Variants in TIMP3 observed in about 807,000 individuals in gnomAD.
TIMP3 encodes the protein metalloproteinase inhibitor 3.
A neutral mutation model predicts 30.0 loss-of-function variants in TIMP3; 11 were observed. The observed-to-expected ratio is 0.37, with a 90% CI of 0.23 to 0.61. The LOEUF (loss-of-function observed/expected upper bound fraction) is 0.61, where lower values mean the gene tolerates loss of function less well. Among genes scored for constraint, TIMP3 ranks in the 20% least tolerant of loss-of-function variants. TIMP3 has a pLI of 0.70. For synonymous variants in TIMP3, 112 were observed against 111.3 expected (o/e 1.01, Z -0.04); for missense variants, 181 against 276.8 (o/e 0.65, Z 2.45).
intron 1 of TIMP3, among the ~76,000 whole-genome samples, chr22:32,831,969 G>A (rs749745857): frequency 1.3e-5 from 2 of 152,210 alleles, no homozygotes; most frequent in Admixed American, 6.5e-5. Flanking sequence ...CAGGGCAGGC[G>A]TGGCAGGCTG....
At chr22:32,830,818 A>G (rs921011540) in intron 1 of TIMP3, among the ~76,000 whole-genome samples, 2 of 152,108 alleles carry the variant, frequency 1.3e-5, no homozygotes, top group African/African-American at 4.8e-5. Flanking sequence ...CTCCCAGTGG[A>G]TTCCGCAAGG....
intron 1 of TIMP3, among the ~76,000 whole-genome samples, chr22:32,820,137 C>T (rs1341945188): frequency 6.6e-6 from 1 of 152,072 alleles, no homozygotes; most frequent in Non-Finnish European, 1.5e-5. Context: ...TCAGCCCTCT[C>T]ATCCTATTCA....
At chr22:32,828,086 T>G (rs569245213) in intron 1 of TIMP3, among the ~76,000 whole-genome samples, 3 of 152,356 alleles carry the variant, frequency 2.0e-5, no homozygotes, top group South Asian at 4.1e-4. Flanking sequence ...AGTAGAGACC[T>G]TGTTGGTCTT....
At chr22:32,858,504 G>A (rs1255032234) in intron 4 of TIMP3, among the ~76,000 whole-genome samples, 1 of 152,126 alleles carries the variant, frequency 6.6e-6, no homozygotes, top group East Asian at 1.9e-4. Flanking sequence ...CACCCTGGTA[G>A]CTGACTCATC....
intron 2 of TIMP3, among the ~76,000 whole-genome samples, chr22:32,855,511 A>T (rs138013843): frequency 7.6e-4 from 116 of 152,216 alleles, no homozygotes; most frequent in Non-Finnish European, 1.5e-3. Flanking sequence ...GCCATTTCCC[A>T]ACTGTGTGGC....
intron 1 of TIMP3, among the ~76,000 whole-genome samples, chr22:32,845,667 G>A (rs2048039966): frequency 6.6e-6 from 1 of 152,124 alleles, no homozygotes; most frequent in Non-Finnish European, 1.5e-5. Context: ...CAGTGTAGGG[G>A]CCATACTCCA....
chr22:32,841,385 G>A (rs992030199), intron 1 of TIMP3, among the ~76,000 whole-genome samples: 2 of 152,160 alleles, frequency 1.3e-5, no homozygotes, highest in Admixed American at 6.5e-5. Flanking sequence ...ATCAGGGAAG[G>A]TCCCCCGCCC....
At chr22:32,836,099 A>T (rs1049791512) in intron 1 of TIMP3, among the ~76,000 whole-genome samples, 2 of 152,234 alleles carry the variant, frequency 1.3e-5, no homozygotes, top group African/African-American at 4.8e-5. Context: ...GTGACTTCTG[A>T]CAAGTTTCTT....
intron 1 of TIMP3, among the ~76,000 whole-genome samples, chr22:32,819,889 G>T (rs535494092): frequency 1.3e-5 from 2 of 152,300 alleles, no homozygotes; most frequent in African/African-American, 4.8e-5. Flanking sequence ...CTGACTTCCT[G>T]TTCTGCGCAT....
chr22:32,805,694 C>T (rs2046714916), intron 1 of TIMP3, among the ~76,000 whole-genome samples: 1 of 147,550 alleles, frequency 6.8e-6, no homozygotes, highest in South Asian at 2.2e-4. Flanking sequence ...AACACTGAGG[C>T]TGAAGAGACT....
intron 1 of TIMP3, among the ~76,000 whole-genome samples, chr22:32,841,480 G>A (rs1184811616): frequency 6.6e-6 from 1 of 152,174 alleles, no homozygotes; most frequent in Non-Finnish European, 1.5e-5. Context: ...GTGCAGTAGA[G>A]TGAGCTACAA....
intron 1 of TIMP3, among the ~76,000 whole-genome samples, chr22:32,831,339 G>C (rs1048681047): frequency 6.6e-6 from 1 of 152,200 alleles, no homozygotes; most frequent in African/African-American, 2.4e-5. Context: ...CAGAGAAGAG[G>C]TGAATTGTTT....
At chr22:32,807,616 G>C (rs12484696) in intron 1 of TIMP3, among the ~76,000 whole-genome samples, 15,657 of 149,432 alleles carry the variant, frequency 0.1, 905 homozygotes, top group Admixed American at 0.16. Flanking sequence ...AGGAAACTGA[G>C]GCTTAGAAAA....
chr22:32,859,283 A>T lies in TIMP3; in HGVS notation c.542A>T (p.His181Leu). 6.2e-7 allele frequency: 1 copy of T among 1,614,164 alleles called. No individual in the cohort carries two copies. Among genetic ancestry groups the T allele is most frequent in the Non-Finnish European group, 8.5e-7 (1 of 1,180,032 alleles). ...GGTTACCCTGGCTACCAGTCCAAAC[A>T]CTACGCCTGCATCCGGCAGAAGGGC... is the stretch of plus-strand genomic sequence containing the variant. ...NFGYPGYQSKHYACIRQKGGY... is the reference protein window; with the variant it reads ...NFGYPGYQSKLYACIRQKGGY... Residue 181 changes from histidine to leucine, a missense_variant, in exon 5 of 5, where the codon CAC (histidine) becomes CTC (leucine). Coordinates refer to ENST00000266085, the MANE Select transcript of TIMP3 (RefSeq NM_000362.5).
intron 1 of TIMP3, among the ~76,000 whole-genome samples, chr22:32,812,334 G>T (rs1208522104): frequency 6.6e-6 from 1 of 152,144 alleles, no homozygotes; most frequent in East Asian, 1.9e-4. Context: ...GTGGATGCGG[G>T]CTCTGAACAA....
rs1181797424 is a variant in TIMP3, at chr22:32,837,471, C to A, written c.122-11981C>A. On this transcript the variant is annotated intron_variant, in intron 1 of 4. Coordinates refer to ENST00000266085, the MANE Select transcript of TIMP3 (RefSeq NM_000362.5). The surrounding 1 kb of genome is among the most constrained non-coding windows in gnomAD (Gnocchi z 4.1). The stretch of plus-strand genomic sequence containing the variant: ...CTCAGAGCACAGCACAGATGCCCAG[C>A]CAAAACACCCAGGGCGAAACCACTC... Among the ~76,000 whole-genome samples, 1 of 152,060 alleles carries A rather than the reference C, an allele frequency of 6.6e-6. No individual in the cohort carries two copies. The highest frequency in any genetic ancestry group is 1.5e-5 in the Non-Finnish European group (1 of 68,006).
chr22:32,802,235 C>A (rs2046608579), intron 1 of TIMP3, 113 bp downstream of exon 1: 1 of 1,430,766 alleles, frequency 7.0e-7, no homozygotes, highest in South Asian at 1.3e-5. Context: ...GAGGGGCAGA[C>A]GGGGTTGGGG....
At chr22:32,835,729 G>A (rs189777666) in intron 1 of TIMP3, among the ~76,000 whole-genome samples, 11 of 152,240 alleles carry the variant, frequency 7.2e-5, no homozygotes, top group African/African-American at 2.4e-4. Flanking sequence ...CAAACCAGGG[G>A]GCTTCAGGTC....
At chr22:32,809,645 A>G (rs2046859126) in intron 1 of TIMP3, among the ~76,000 whole-genome samples, 1 of 152,256 alleles carries the variant, frequency 6.6e-6, no homozygotes, top group Non-Finnish European at 1.5e-5. Flanking sequence ...AAATTAAAAT[A>G]TAACTAGAAC....
Sources: gnomAD v4.1 joint callset for allele counts (sites outside exome capture counted in the v4.1 genomes callset) on GRCh38, gnomAD v4.1.1 for gene constraint, Gnocchi (gnomAD v3.1) non-coding constraint, MANE v1.5 for transcripts, NCBI Gene and HGNC (gene_info 2026-07-23, HGNC 2026-07-21) for gene names.